The following CDC42EP2 variants were observed in gnomAD, a reference collection of about 807,000 sequenced individuals.
CDC42EP2 encodes CDC42 effector protein (Rho GTPase binding) 2.
CDC42EP2 carries 5 observed loss-of-function variants against 7.3 expected under a neutral mutation model. The ratio of observed to expected loss-of-function variants is 0.68; its 90% confidence interval spans 0.36 to 1.44. The LOEUF is 1.44. CDC42EP2 is among the 40% of genes most tolerant of loss of function. The pLI is 0.04. For missense variants in CDC42EP2, 251 were observed against 282.6 expected, an observed-to-expected ratio of 0.89 and a Z score of 0.80; for synonymous variants, 113 against 123.6, an observed-to-expected ratio of 0.91 and a Z score of 0.57.
rs1949977416 is a variant in CDC42EP2 at position 65,321,958 on chromosome 11, C to G, written c.*427C>G. ...GGGCTCAGCCACTGAGCAGGCTGTT[C>G]CGGGCCTTTGGCTTTGCATCCTGGA... On this transcript the variant is annotated 3_prime_UTR_variant, in exon 2 of 2. Coordinates refer to ENST00000279249, the MANE Select transcript of CDC42EP2 (RefSeq NM_006779.4). This position sits in a 1 kb window ranked among gnomAD's most constrained non-coding sequence, Gnocchi z 4.4. 1 of 188,436 alleles carries G rather than the reference C, an allele frequency of 5.3e-6. No individual in the cohort carries two copies. Among genetic ancestry groups the G allele is most frequent in the African/African-American group, 2.4e-5 (1 of 42,384 alleles). 11.7% of individuals were successfully genotyped at this position (188,436 alleles called of 1,614,324 possible). A position where few individuals can be genotyped will look rare whatever the true frequency, so the allele number is the denominator to read the frequency against.
chr11:65,318,789 C>T (rs866062240), intron 1 of CDC42EP2, among the ~76,000 whole-genome samples: 12 of 147,114 alleles, frequency 8.2e-5, no homozygotes, highest in Admixed American at 4.2e-4. Context: ...AGGCTGGTCT[C>T]GAACTCCTGA....
Position 65,315,644 on chromosome 11 carries a change from C to T in CDC42EP2, c.-356+690C>T, listed in dbSNP as rs978587815. On this transcript the variant is annotated intron_variant, in intron 1 of 1. Transcript: ENST00000279249. The surrounding 1 kb of genome is among the most constrained non-coding windows in gnomAD (Gnocchi z 4.1). The stretch of plus-strand genomic sequence containing the variant: ...CCATCTGGTACTTGAACGCGCAGCT[C>T]CTTGGGGACCGCCTGCCTGGAGCCC... Among the ~76,000 whole-genome samples, 5 of 152,266 alleles carry T rather than the reference C, an allele frequency of 3.3e-5. No homozygotes were observed. Among genetic ancestry groups the T allele is most frequent in the Non-Finnish European group, 5.9e-5 (4 of 68,040 alleles).
chr11:65,315,303 C>A lies in CDC42EP2; in HGVS notation c.-356+349C>A, dbSNP rs1479872544. The stretch of plus-strand genomic sequence containing the variant: ...TTTTTAGCCGATAGTGAGTTGTTCT[C>A]CTATCTTTAGCTGCGGCCGCGAATG... On this transcript the variant is annotated intron_variant, in intron 1 of 1. Coordinates refer to ENST00000279249, the MANE Select transcript of CDC42EP2 (RefSeq NM_006779.4). The surrounding 1 kb of genome is among the most constrained non-coding windows in gnomAD (Gnocchi z 4.1). Among the ~76,000 whole-genome samples the A allele has an allele frequency of 6.6e-6, 1 of 152,226 alleles. No homozygotes were observed. Among genetic ancestry groups the A allele is most frequent in the Non-Finnish European group, 1.5e-5 (1 of 68,024 alleles).
Position 65,321,734 on chromosome 11 carries a change from C to T in CDC42EP2, c.*203C>T. ...CCCCATCGCTTTCCTCTGATAACCACATGGACACATCCTGAAGTCAGCCCA... is the reference window on the plus strand; with the variant it reads ...CCCCATCGCTTTCCTCTGATAACCATATGGACACATCCTGAAGTCAGCCCA... On this transcript the variant is annotated 3_prime_UTR_variant, in exon 2 of 2. Transcript: ENST00000279249. This position sits in a 1 kb window ranked among gnomAD's most constrained non-coding sequence, Gnocchi z 4.4. 1 of 582,172 alleles carries T rather than the reference C, an allele frequency of 1.7e-6. No individual in the cohort carries two copies. Among genetic ancestry groups the T allele is most frequent in the Non-Finnish European group, 3.1e-6 (1 of 320,170 alleles). 36.1% of individuals were successfully genotyped at this position (582,172 alleles called of 1,614,324 possible). A position where few individuals can be genotyped will look rare whatever the true frequency, so the allele number is the denominator to read the frequency against.
rs375958650 is a variant in CDC42EP2 at position 65,320,887 on chromosome 11, G to A, written c.-12G>A. 6.3e-7 allele frequency: 1 copy of A among 1,587,524 alleles called. No individual in the cohort carries two copies. Among genetic ancestry groups the A allele is most frequent in the African/African-American group, 1.3e-5 (1 of 74,546 alleles). The stretch of plus-strand genomic sequence containing the variant: ...CCGTAGCCTCACAGCCAGGCCTGGT[G>A]GTGAGGTCACCATGTCCACCAAGGT... On this transcript the variant is annotated 5_prime_UTR_variant, in exon 2 of 2. Transcript: ENST00000279249.
rs1229873648 is a variant in CDC42EP2, at chr11:65,321,041, G to A, written c.143G>A (p.Gly48Asp). The change falls in exon 2 of 2, where the codon GGC (glycine) becomes GAC (aspartate). Residue 48 changes from glycine to aspartate, a missense_variant. Physicochemically the swap from Gly to Asp is moderately conservative, Grantham distance 94 (BLOSUM62 -1). Coordinates refer to ENST00000279249, the MANE Select transcript of CDC42EP2 (RefSeq NM_006779.4). The surrounding 1 kb of genome is among the most constrained non-coding windows in gnomAD (Gnocchi z 4.4). Reference sequence around the variant, plus strand: ...ACCATTCATATTGGCAGTGGCGGCGGCAGTGACATGTTTGGCGACATCTCC... The same window carrying A: ...ACCATTCATATTGGCAGTGGCGGCGACAGTGACATGTTTGGCGACATCTCC... ...RHTIHIGSGGGSDMFGDISFL... is the reference protein window; with the variant it reads ...RHTIHIGSGGDSDMFGDISFL... The A allele has an allele frequency of 6.2e-7, 1 of 1,614,088 alleles. No homozygotes were observed. The highest frequency in any genetic ancestry group is 1.7e-5 in the Admixed American group (1 of 60,034).
chr11:65,321,838 C>G lies in CDC42EP2; in HGVS notation c.*307C>G, dbSNP rs1949976852. ...TTCAGGTCCCTGGGTGAAGGCTTTGCTGAAACCGACCCCCCTTTTCACGTC... is the reference window on the plus strand; with the variant it reads ...TTCAGGTCCCTGGGTGAAGGCTTTGGTGAAACCGACCCCCCTTTTCACGTC... On this transcript the variant is annotated 3_prime_UTR_variant, in exon 2 of 2. Coordinates refer to ENST00000279249, the MANE Select transcript of CDC42EP2 (RefSeq NM_006779.4). This position sits in a 1 kb window ranked among gnomAD's most constrained non-coding sequence, Gnocchi z 4.4. The G allele has an allele frequency of 9.9e-6, 3 of 302,152 alleles. No homozygotes were observed. In the South Asian group the frequency reaches 2.6e-4, roughly 26 times the overall value. The allele number at this position is 302,152 out of a possible 1,614,324, so 18.7% of individuals were successfully genotyped here.
Position 65,321,636 on chromosome 11 carries a change from T to A in CDC42EP2, c.*105T>A. ...TCAGGGTCCCAAGATCCCACCTGTA[T>A]GGTCGCTGGCCAGTGATTCTCCTTC... On this transcript the variant is annotated 3_prime_UTR_variant, in exon 2 of 2. Coordinates refer to ENST00000279249, the MANE Select transcript of CDC42EP2 (RefSeq NM_006779.4). The surrounding 1 kb of genome is among the most constrained non-coding windows in gnomAD (Gnocchi z 4.4). 9.5e-7 allele frequency: 1 copy of A among 1,054,700 alleles called. No individual in the cohort carries two copies. The highest frequency in any genetic ancestry group is 1.6e-5 in the African/African-American group (1 of 62,732). 65.3% of individuals were successfully genotyped at this position (1,054,700 alleles called of 1,614,324 possible). A position where few individuals can be genotyped will look rare whatever the true frequency, so the allele number is the denominator to read the frequency against.
intron 1 of CDC42EP2, among the ~76,000 whole-genome samples, chr11:65,316,747 A>G (rs1234777120): frequency 1.3e-5 from 2 of 152,140 alleles, no homozygotes; most frequent in Admixed American, 1.3e-4. Flanking sequence ...TGCCAAATCT[A>G]AATTCCTGGG....
rs4149836 is a variant in CDC42EP2, at chr11:65,321,177, G to A, written c.279G>A (p.Gly93=). ...TCACCCGCACCGCCACCGTGTGTGGGCGGGAGCTCCCGGACGGCCCATCCC... is the reference window on the plus strand; with the variant it reads ...TCACCCGCACCGCCACCGTGTGTGGACGGGAGCTCCCGGACGGCCCATCCC... ...FQFTRTATVC[G]RELPDGPSPL... Residue 93 remains glycine (G), a synonymous_variant, in exon 2 of 2, where the codon GGG becomes GGA. Transcript: ENST00000279249. The surrounding 1 kb of genome is among the most constrained non-coding windows in gnomAD (Gnocchi z 4.4). 1 of 1,614,066 alleles carries A rather than the reference G, an allele frequency of 6.2e-7. No homozygotes were observed. Among genetic ancestry groups the A allele is most frequent in the South Asian group, 1.1e-5 (1 of 91,066 alleles).
At chr11:65,319,844 C>T (rs1397354686) in intron 1 of CDC42EP2, among the ~76,000 whole-genome samples, 6 of 152,166 alleles carry the variant, frequency 3.9e-5, no homozygotes, top group Non-Finnish European at 8.8e-5. Context: ...GTGAGGCCCC[C>T]CACAATCTGG....
In CDC42EP2 at chr11:65,321,637, G is replaced by T. The variant is rs1024759509; in HGVS notation, c.*106G>T. Reference sequence around the variant, plus strand: ...CAGGGTCCCAAGATCCCACCTGTATGGTCGCTGGCCAGTGATTCTCCTTCT... The same window carrying T: ...CAGGGTCCCAAGATCCCACCTGTATTGTCGCTGGCCAGTGATTCTCCTTCT... On this transcript the variant is annotated 3_prime_UTR_variant, in exon 2 of 2. Coordinates refer to ENST00000279249, the MANE Select transcript of CDC42EP2 (RefSeq NM_006779.4). The surrounding 1 kb of genome is among the most constrained non-coding windows in gnomAD (Gnocchi z 4.4). 3.3e-5 allele frequency: 35 copies of T among 1,047,634 alleles called. 1 individual carries two copies. In the South Asian group the frequency reaches 5.4e-4, roughly 16 times the overall value. 64.9% of individuals were successfully genotyped at this position (1,047,634 alleles called of 1,614,324 possible). A position where few individuals can be genotyped will look rare whatever the true frequency, so the allele number is the denominator to read the frequency against.
At chr11:65,318,796 C>CT (rs1255283079) in intron 1 of CDC42EP2, among the ~76,000 whole-genome samples, 1 of 148,134 alleles carries the variant, frequency 6.8e-6, no homozygotes, top group African/African-American at 2.5e-5. Context: ...TCTCGAACTC[C>CT]TGATCTCAGG....
In CDC42EP2 at chr11:65,321,640, C is replaced by CGCTG; in HGVS notation, c.*112_*115dup. 1 of 1,013,984 alleles carries CGCTG rather than the reference C, an allele frequency of 9.9e-7. No homozygotes were observed. The highest frequency in any genetic ancestry group is 2.4e-5 in the East Asian group (1 of 40,972). The allele number at this position is 1,013,984 out of a possible 1,614,324, so 62.8% of individuals were successfully genotyped here. A position where few individuals can be genotyped will look rare whatever the true frequency, so the allele number is the denominator to read the frequency against. ...GGTCCCAAGATCCCACCTGTATGGT[C>CGCTG]GCTGGCCAGTGATTCTCCTTCTGAG... On this transcript the variant is annotated 3_prime_UTR_variant, in exon 2 of 2. Coordinates refer to ENST00000279249, the MANE Select transcript of CDC42EP2 (RefSeq NM_006779.4). This position sits in a 1 kb window ranked among gnomAD's most constrained non-coding sequence, Gnocchi z 4.4.
Position 65,321,158 on chromosome 11 carries a change from G to T in CDC42EP2, c.260G>T (p.Arg87Leu), listed in dbSNP as rs375702058. 9.3e-6 allele frequency: 15 copies of T among 1,613,916 alleles called. No homozygotes were observed. In the African/African-American group the frequency reaches 1.7e-4, roughly 19 times the overall value. Reference protein sequence around the residue: ...GTFDLPFQFTRTATVCGRELP... With the variant: ...GTFDLPFQFTLTATVCGRELP... ...TTCGACCTCCCCTTCCAGTTCACCC[G>T]CACCGCCACCGTGTGTGGGCGGGAG... is the stretch of plus-strand genomic sequence containing the variant. Residue 87 changes from arginine to leucine, a missense_variant, in exon 2 of 2, where the codon CGC becomes CTC. Transcript: ENST00000279249. This position sits in a 1 kb window ranked among gnomAD's most constrained non-coding sequence, Gnocchi z 4.4.
intron 1 of CDC42EP2, chr11:65,317,081 C>T (rs557171295): frequency 6.6e-5 from 10 of 152,422 alleles, no homozygotes; most frequent in African/African-American, 2.4e-4. Flanking sequence ...GGCCCCCAGG[C>T]CTGGCATGGT....
chr11:65,321,243 AC>A lies in CDC42EP2; in HGVS notation c.349del (p.Gln117ArgfsTer47), dbSNP rs1037141775. 1.2e-6 allele frequency: 2 copies of A among 1,613,374 alleles called. No homozygotes were observed. Among genetic ancestry groups the A allele is most frequent in the Admixed American group, 3.3e-5 (2 of 59,952 alleles). On this transcript the variant is annotated frameshift_variant, in exon 2 of 2. Coordinates refer to ENST00000279249, the MANE Select transcript of CDC42EP2 (RefSeq NM_006779.4). LOFTEE classifies it high-confidence loss of function. The surrounding 1 kb of genome is among the most constrained non-coding windows in gnomAD (Gnocchi z 4.4). ...NAISLPVIGG[P>X]QALTLPTAQA... is the part of the protein sequence containing the mutation. ...CCATCTCCCTCCCGGTTATCGGTGG[AC>A]CCCAGGCTCTCACCCTGCCCACAGC...
chr11:65,318,480 G>C (rs1389356062), intron 1 of CDC42EP2, among the ~76,000 whole-genome samples: 1 of 148,350 alleles, frequency 6.7e-6, no homozygotes, highest in Non-Finnish European at 1.5e-5. Context: ...CTGGAGTGCA[G>C]TGGTGCGATC....
chr11:65,320,828 G>A lies in CDC42EP2; in HGVS notation c.-71G>A. ...TGGAACGAGTGTTTCCTCTGGCTGAGGGTTGGAGAGGAGGTGTGGTCTCAG... is the reference window on the plus strand; with the variant it reads ...TGGAACGAGTGTTTCCTCTGGCTGAAGGTTGGAGAGGAGGTGTGGTCTCAG... On this transcript the variant is annotated 5_prime_UTR_variant, in exon 2 of 2. Coordinates refer to ENST00000279249, the MANE Select transcript of CDC42EP2 (RefSeq NM_006779.4). 1 of 1,489,942 alleles carries A rather than the reference G, an allele frequency of 6.7e-7. No individual in the cohort carries two copies. The highest frequency in any genetic ancestry group is 9.1e-7 in the Non-Finnish European group (1 of 1,098,626). 92.3% of individuals were successfully genotyped at this position (1,489,942 alleles called of 1,614,324 possible).
Sources: gnomAD v4.1 joint callset for allele counts (sites outside exome capture counted in the v4.1 genomes callset) on GRCh38, gnomAD v4.1.1 for gene constraint, Gnocchi (gnomAD v3.1) non-coding constraint, MANE v1.5 for transcripts, NCBI Gene and HGNC (gene_info 2026-07-23, HGNC 2026-07-21) for gene names.